The following CDH9 variants were observed in gnomAD, a reference collection of about 807,000 sequenced individuals.
CDH9 encodes the protein cadherin-9.
In CDH9, 28 loss-of-function variants were observed where a neutral mutation model predicts 70.9. The observed-to-expected ratio is 0.40, with a 90% confidence interval of 0.29 to 0.54. CDH9 has a LOEUF of 0.54. CDH9 is among the 20% of genes least tolerant of loss of function. The pLI is 0.59. For missense variants in CDH9, 874 were observed against 984.4 expected, an observed-to-expected ratio of 0.89 and a Z score of 1.50; for synonymous variants, 409 against 343.1, an observed-to-expected ratio of 1.19 and a Z score of -2.12.
chr5:27,029,598 A>G (rs1159857355), intron 1 of CDH9, among the ~76,000 whole-genome samples: 2 of 152,048 alleles, frequency 1.3e-5, no homozygotes, highest in Non-Finnish European at 2.9e-5. Context: ...ATCACAGCAC[A>G]GTACCTAAGA....
chr5:26,909,626 G>A (rs866146740), intron 3 of CDH9, among the ~76,000 whole-genome samples: 4 of 150,210 alleles, frequency 2.7e-5, no homozygotes, highest in Admixed American at 6.7e-5. Flanking sequence ...ATGCTGGTGC[G>A]CTGCACCCAC....
intron 7 of CDH9, among the ~76,000 whole-genome samples, chr5:26,900,317 A>G (rs1254227876): frequency 6.6e-6 from 1 of 152,064 alleles, no homozygotes; most frequent in African/African-American, 2.4e-5. Context: ...AGAGCATATT[A>G]TATATCCTAC....
At chr5:26,908,429 T>C (rs1740987219) in intron 3 of CDH9, among the ~76,000 whole-genome samples, 1 of 152,172 alleles carries the variant, frequency 6.6e-6, no homozygotes, top group Non-Finnish European at 1.5e-5. Flanking sequence ...TTGGAGGTTA[T>C]TGAAATATGA....
chr5:26,882,899 C>T (rs546515723), intron 11 of CDH9, among the ~76,000 whole-genome samples: 6 of 151,064 alleles, frequency 4.0e-5, no homozygotes, highest in Admixed American at 3.3e-4. Flanking sequence ...AAAGCCCTGT[C>T]CAGTGTTATT....
In CDH9 at chr5:26,885,838, T is replaced by C. The variant is rs1740556229; in HGVS notation, c.1658A>G (p.Lys553Arg). The C allele has an allele frequency of 1.2e-6, 2 of 1,613,984 alleles. No homozygotes were observed. Among genetic ancestry groups the C allele is most frequent in the Non-Finnish European group, 1.7e-6 (2 of 1,179,936 alleles). Residue 553 changes from lysine (K) to arginine (R), a missense_variant, in exon 11 of 12, where the codon AAA (lysine) becomes AGA (arginine). By Grantham distance (26) the Lys-to-Arg change is conservative. Coordinates refer to ENST00000231021, the MANE Select transcript of CDH9 (RefSeq NM_016279.4). The part of the protein sequence containing the change: ...KDNTAGIMTR[K>R]DGYSRNKMST... Reference sequence around the variant, plus strand: ...CATTTTGTTGCGACTGTAGCCATCTTTCCGAGTCATGATTCCTGCTGTATT... The same window carrying C: ...CATTTTGTTGCGACTGTAGCCATCTCTCCGAGTCATGATTCCTGCTGTATT...
At chr5:27,014,024 T>A (rs1743005073) in intron 1 of CDH9, among the ~76,000 whole-genome samples, 1 of 151,916 alleles carries the variant, frequency 6.6e-6, no homozygotes, top group Admixed American at 6.6e-5. Context: ...ACTAACAACT[T>A]AACAGAATAT....
At chr5:26,918,727 T>C (rs73748535) in intron 2 of CDH9, among the ~76,000 whole-genome samples, 1 of 152,172 alleles carries the variant, frequency 6.6e-6, no homozygotes, top group African/African-American at 2.4e-5. Flanking sequence ...TGCAAGCCAA[T>C]GTATCAATCT....
intron 7 of CDH9, among the ~76,000 whole-genome samples, chr5:26,899,215 G>A (rs1004621604): frequency 1.3e-5 from 2 of 152,160 alleles, no homozygotes; most frequent in African/African-American, 4.8e-5. Flanking sequence ...CTTTTACACT[G>A]TTGGTGGGAA....
At chr5:26,972,331 C>T (rs546415068) in intron 2 of CDH9, among the ~76,000 whole-genome samples, 2 of 152,210 alleles carry the variant, frequency 1.3e-5, no homozygotes, top group South Asian at 4.2e-4. Flanking sequence ...CCAGATTAAT[C>T]ACAGGAGTCA....
intron 6 of CDH9, chr5:26,903,215 G>A (rs533588857): frequency 1.7e-4 from 53 of 303,266 alleles, no homozygotes; most frequent in African/African-American, 1.0e-3. Context: ...GATTAAGAAT[G>A]TTCTCCCACA....
intron 2 of CDH9, among the ~76,000 whole-genome samples, chr5:26,945,014 A>G (rs559644952): frequency 3.2e-4 from 49 of 152,166 alleles, no homozygotes; most frequent in South Asian, 6.2e-4. Context: ...CCCTTAAAAC[A>G]TTTCTCTTAT....
intron 1 of CDH9, among the ~76,000 whole-genome samples, chr5:27,004,292 C>A (rs1411566367): frequency 1.3e-5 from 2 of 151,906 alleles, no homozygotes; most frequent in Non-Finnish European, 2.9e-5. Context: ...CAGAAGCTTA[C>A]AAGTCACAGA....
intron 2 of CDH9, among the ~76,000 whole-genome samples, chr5:26,928,574 C>A (rs1741386118): frequency 6.6e-6 from 1 of 152,062 alleles, no homozygotes; most frequent in Non-Finnish European, 1.5e-5. Context: ...GTAGGAATCA[C>A]ATTACCTGAC....
At chr5:26,961,457 T>C (rs1394394727) in intron 2 of CDH9, among the ~76,000 whole-genome samples, 1 of 152,056 alleles carries the variant, frequency 6.6e-6, no homozygotes, top group Non-Finnish European at 1.5e-5. Context: ...CAATTGTAAA[T>C]GGAGTATGAG....
At chr5:27,028,789 C>T (rs143601418) in intron 1 of CDH9, among the ~76,000 whole-genome samples, 167 of 151,866 alleles carry the variant, frequency 1.1e-3, no homozygotes, top group Non-Finnish European at 1.6e-3. Flanking sequence ...AAACCAATTG[C>T]CAAAAACCAA....
At chr5:26,952,795 T>A (rs377447158) in intron 2 of CDH9, among the ~76,000 whole-genome samples, 2 of 150,666 alleles carry the variant, frequency 1.3e-5, no homozygotes, top group South Asian at 4.2e-4. Flanking sequence ...ATGGGATTGA[T>A]ACTGGAGGCT....
chr5:27,034,428 T>C (rs1448957821), intron 1 of CDH9, among the ~76,000 whole-genome samples: 1 of 151,802 alleles, frequency 6.6e-6, no homozygotes, highest in Non-Finnish European at 1.5e-5. Flanking sequence ...GAATGCTTAT[T>C]TCTCCTGCAA....
At chr5:27,010,433 C>T (rs1742936453) in intron 1 of CDH9, among the ~76,000 whole-genome samples, 1 of 152,070 alleles carries the variant, frequency 6.6e-6, no homozygotes, top group Non-Finnish European at 1.5e-5. Flanking sequence ...CCCCAGCAAT[C>T]CCTCATGTGT....
chr5:26,938,506 G>T (rs1049794151), intron 2 of CDH9, among the ~76,000 whole-genome samples: 1 of 151,812 alleles, frequency 6.6e-6, no homozygotes, highest in Non-Finnish European at 1.5e-5. Context: ...TTTAAAAATC[G>T]GGTGTGCAAA....
Sources: gnomAD v4.1 joint callset for allele counts (sites outside exome capture counted in the v4.1 genomes callset) on GRCh38, gnomAD v4.1.1 for gene constraint, MANE v1.5 for transcripts, NCBI Gene and HGNC (gene_info 2026-07-23, HGNC 2026-07-21) for gene names.